Variants in LYPLA1 observed in about 807,000 individuals in gnomAD.
The protein encoded by LYPLA1 is lysophospholipase 1, also known as acyl-protein thioesterase 1.
A neutral mutation model predicts 34.0 loss-of-function variants in LYPLA1; 17 were observed. The observed-to-expected ratio is 0.50, with a 90% CI of 0.34 to 0.75. The LOEUF (loss-of-function observed/expected upper bound fraction) is 0.75, where lower values mean the gene tolerates loss of function less well. Among genes scored for constraint, LYPLA1 ranks in the 30% least tolerant of loss-of-function variants. The pLI is 0.01. For synonymous variants in LYPLA1, 98 were observed against 100.8 expected (o/e 0.97, Z 0.17); for missense variants, 203 against 288.8 (o/e 0.70, Z 2.15).
In LYPLA1 at chr8:54,052,700, G is replaced by C. The variant is rs1396929115; in HGVS notation, c.417C>G (p.Val139=). ...GTGGAAGCCAGCAACTGAGTGCAGT[G>C]ACACCTGCCAGTTTCTGCTGTGTGG... ...ALTTQQKLAG[V]TALSCWLPLR... Residue 139 remains valine, a synonymous_variant, in exon 7 of 9, where the codon GTC becomes GTG. Transcript: ENST00000316963. 1 of 1,613,992 alleles carries C rather than the reference G, an allele frequency of 6.2e-7. No homozygotes were observed. The highest frequency in any genetic ancestry group is 1.7e-5 in the Admixed American group (1 of 60,014).
chr8:54,101,873 C>T lies in LYPLA1; in HGVS notation c.-50G>A. 8.6e-7 allele frequency: 1 copy of T among 1,159,078 alleles called. No individual in the cohort carries two copies. The highest frequency in any genetic ancestry group is 1.1e-6 in the Non-Finnish European group (1 of 921,478). The allele number at this position is 1,159,078 out of a possible 1,614,324, so 71.8% of individuals were successfully genotyped here. A position where few individuals can be genotyped will look rare whatever the true frequency, so the allele number is the denominator to read the frequency against. On this transcript the variant is annotated 5_prime_UTR_variant, in exon 1 of 9. Coordinates refer to ENST00000316963, the MANE Select transcript of LYPLA1 (RefSeq NM_006330.4). The stretch of plus-strand genomic sequence containing the variant: ...GCGGAAGGAAGAGCGGGCGCCCGGC[C>T]GCGGCCCAAGGGCGTGCGAGCGGCG...
rs1805527631 is a variant in LYPLA1, at chr8:54,047,063, T to C, written c.*1002A>G. On this transcript the variant is annotated 3_prime_UTR_variant, in exon 9 of 9. Coordinates refer to ENST00000316963, the MANE Select transcript of LYPLA1 (RefSeq NM_006330.4). ...GAGAAGATGAAATCATCTTAGAAGT[T>C]AGTTTTTAAGATCAGTCTTAAAGAT... is the stretch of plus-strand genomic sequence containing the variant. The C allele has an allele frequency of 6.6e-6, 1 of 152,134 alleles. No homozygotes were observed. The highest frequency in any genetic ancestry group is 2.1e-4 in the South Asian group (1 of 4,836). The allele number at this position is 152,134 out of a possible 1,614,324, so 9.4% of individuals were successfully genotyped here.
At chr8:54,091,551 G>GA (rs1421826041) in intron 2 of LYPLA1, among the ~76,000 whole-genome samples, 4 of 124,178 alleles carry the variant, frequency 3.2e-5, no homozygotes, top group East Asian at 4.1e-4. Context: ...GAAAAGAAAA[G>GA]AAGAAAGGAA....
At chr8:54,077,033 T>C (rs1733324645) in intron 2 of LYPLA1, among the ~76,000 whole-genome samples, 2 of 152,094 alleles carry the variant, frequency 1.3e-5, no homozygotes, top group Non-Finnish European at 2.9e-5. Context: ...TAAAGACACA[T>C]GCATACTTAC....
chr8:54,048,563 T>C (rs1006354800), intron 8 of LYPLA1, among the ~76,000 whole-genome samples: 1 of 152,200 alleles, frequency 6.6e-6, no homozygotes, highest in South Asian at 2.1e-4. Context: ...CAACTAACCA[T>C]TTGATAGAGA....
At chr8:54,073,468 T>C (rs1305878725) in intron 2 of LYPLA1, 31 of 766,832 alleles carry the variant, frequency 4.0e-5, no homozygotes, top group Non-Finnish European at 7.1e-5. Flanking sequence ...GGCCTTGTGA[T>C]GTATGGCATC....
intron 2 of LYPLA1, among the ~76,000 whole-genome samples, chr8:54,092,896 T>A (rs1809411791): frequency 6.6e-6 from 1 of 152,192 alleles, no homozygotes; most frequent in South Asian, 2.1e-4. Context: ...TTGTTCATTA[T>A]CCTGTAGTAA....
intron 2 of LYPLA1, among the ~76,000 whole-genome samples, chr8:54,089,612 C>T (rs1300056453): frequency 1.3e-5 from 2 of 151,554 alleles, no homozygotes; most frequent in East Asian, 3.9e-4. Context: ...AACCATGGGC[C>T]CTTGTTTGCC....
At chr8:54,059,813 T>C (rs988745079) in intron 5 of LYPLA1, among the ~76,000 whole-genome samples, 61 of 152,264 alleles carry the variant, frequency 4.0e-4, no homozygotes, top group African/African-American at 1.2e-3. Flanking sequence ...TCCCAGCTAC[T>C]CAGAAGCTGA....
Position 54,094,616 on chromosome 8 carries a change from T to C in LYPLA1, c.101+6292A>G, listed in dbSNP as rs945772682. Among the ~76,000 whole-genome samples, 48 of 152,306 alleles carry C rather than the reference T, an allele frequency of 3.2e-4. 1 individual carries two copies. Among genetic ancestry groups the C allele is most frequent in the African/African-American group, 1.1e-3 (45 of 41,564 alleles). On this transcript the variant is annotated intron_variant, in intron 2 of 8. Transcript: ENST00000316963. ...GTATGTCCATATATTCTTAGCTCTG[T>C]CCACTGCAAGGGTCTAGATCTGGGA... is the stretch of plus-strand genomic sequence containing the variant.
At chr8:54,052,896 A>C in intron 6 of LYPLA1, 140 bp from the exon 7 acceptor site, 1 of 608,332 alleles carries the variant, frequency 1.6e-6, no homozygotes, top group Non-Finnish European at 3.0e-6. Flanking sequence ...AATATCGGAA[A>C]TACAAACACA....
chr8:54,044,213 G>T (rs999084941), downstream of LYPLA1, among the ~76,000 whole-genome samples: 1 of 151,962 alleles, frequency 6.6e-6, no homozygotes, highest in African/African-American at 2.4e-5. Context: ...TTATCTTTCG[G>T]GTCACCTGGT....
In LYPLA1 at chr8:54,048,188, C is replaced by T; in HGVS notation, c.640-70G>A. 3.2e-6 allele frequency: 3 copies of T among 928,136 alleles called. No homozygotes were observed. The Admixed American group carries it at 5.3e-5, about 16-fold the overall frequency. The allele number at this position is 928,136 out of a possible 1,614,324, so 57.5% of individuals were successfully genotyped here. ...CAGAAATTAAATTCCCACTAAAATG[C>T]CACTAATCAAATCTATGGTATGCAT... On this transcript the variant is annotated intron_variant, in intron 8 of 8. Coordinates refer to ENST00000316963, the MANE Select transcript of LYPLA1 (RefSeq NM_006330.4).
chr8:54,087,875 G>A (rs994918321), intron 2 of LYPLA1, among the ~76,000 whole-genome samples: 4 of 152,178 alleles, frequency 2.6e-5, no homozygotes, highest in Non-Finnish European at 4.4e-5. Context: ...GCTGTGTCAC[G>A]AGAGTACACC....
intron 2 of LYPLA1, among the ~76,000 whole-genome samples, chr8:54,098,978 A>AT (rs1346416651): frequency 2.0e-5 from 3 of 152,180 alleles, no homozygotes; most frequent in Non-Finnish European, 4.4e-5. Flanking sequence ...TTTTTCTTTT[A>AT]TCACAACAGG....
rs954469532 is a variant in LYPLA1, at chr8:54,059,759, A to C, written c.286+2495T>G. Among the ~76,000 whole-genome samples, 7 of 152,258 alleles carry C rather than the reference A, an allele frequency of 4.6e-5. No individual in the cohort carries two copies. The East Asian group carries it at 1.4e-3, about 29-fold the overall frequency. On this transcript the variant is annotated intron_variant, in intron 5 of 8. Transcript: ENST00000316963. Reference sequence around the variant, plus strand: ...AACATAATGAGAATTCATCTCTACAAAACAGTTTAAAAATTAGCCAGGCAT... The same window carrying C: ...AACATAATGAGAATTCATCTCTACACAACAGTTTAAAAATTAGCCAGGCAT...
chr8:54,066,591 C>CCCAA (rs1038379600), intron 2 of LYPLA1, among the ~76,000 whole-genome samples: 1 of 151,508 alleles, frequency 6.6e-6, no homozygotes, highest in Non-Finnish European at 1.5e-5. Flanking sequence ...GACAAGCCTG[C>CCCAA]CCAACATAGT....
At chr8:54,095,070 C>G (rs1036593847) in intron 2 of LYPLA1, among the ~76,000 whole-genome samples, 2 of 151,854 alleles carry the variant, frequency 1.3e-5, no homozygotes, top group Admixed American at 6.6e-5. Flanking sequence ...TCACTGTCGC[C>G]TAGGCTGGAG....
intron 2 of LYPLA1, among the ~76,000 whole-genome samples, chr8:54,067,694 T>A (rs1045460561): frequency 7.9e-6 from 1 of 126,004 alleles, no homozygotes; most frequent in Non-Finnish European, 1.7e-5. Context: ...TGAATGTTAA[T>A]TTTTTTTTTT....
Sources: allele counts gnomAD v4.1 joint callset (sites outside exome capture counted in the v4.1 genomes callset), GRCh38; gene constraint gnomAD v4.1.1; transcripts MANE v1.5; gene names NCBI Gene and HGNC (gene_info 2026-07-23, HGNC 2026-07-21).